AKIRIN2: variants seen among roughly 807,000 people sequenced by gnomAD.
AKIRIN2 encodes the protein akirin 2.
Under a neutral mutation model 29.3 loss-of-function variants are expected in AKIRIN2, and 6 were observed. The observed-to-expected ratio is 0.20, with a 90% CI of 0.11 to 0.40. The LOEUF (loss-of-function observed/expected upper bound fraction) is 0.40, where lower values mean the gene tolerates loss of function less well. Ranked by LOEUF, AKIRIN2 falls within the 10% of genes least tolerant of loss-of-function variation. The probability of loss-of-function intolerance (pLI) is 1.00; values close to 1 mark genes in which losing one functional copy is unlikely to be tolerated. For synonymous variants in AKIRIN2, 128 were observed against 117.5 expected (o/e 1.09, Z -0.58); for missense variants, 210 against 276.1 (o/e 0.76, Z 1.70).
In AKIRIN2 at chr6:87,701,655, A is replaced by G. The variant is rs985933931; in HGVS notation, c.30T>C (p.Thr10=). The G allele has an allele frequency of 4.8e-6, 7 of 1,465,340 alleles. No individual in the cohort carries two copies. Among genetic ancestry groups the G allele is most frequent in the Non-Finnish European group, 6.3e-6 (7 of 1,112,222 alleles). 90.8% of individuals were successfully genotyped at this position (1,465,340 alleles called of 1,614,324 possible). ...GGCTCAACAGCGGGTCGAAATCCAG[A>G]GTCCTTTTCAGAGTGGCTCCGCACG... MACGATLKR[T]LDFDPLLSPA... is the part of the protein sequence containing the mutation. The change falls in exon 1 of 5, where the codon ACT becomes ACC. Residue 10 remains threonine, a synonymous_variant. Transcript: ENST00000257787.
In AKIRIN2 at chr6:87,701,632, C is replaced by T; in HGVS notation, c.53G>A (p.Ser18Asn). The T allele has an allele frequency of 1.4e-6, 2 of 1,464,080 alleles. No homozygotes were observed. Among genetic ancestry groups the T allele is most frequent in the South Asian group, 1.4e-5 (1 of 69,564 alleles). 90.7% of individuals were successfully genotyped at this position (1,464,080 alleles called of 1,614,324 possible). A position where few individuals can be genotyped will look rare whatever the true frequency, so the allele number is the denominator to read the frequency against. The change falls in exon 1 of 5, where the codon AGC becomes AAC. Residue 18 changes from serine (S) to asparagine (N), a missense_variant. Ser to Asn is a conservative substitution (Grantham distance 46). Transcript: ENST00000257787. ...TCGCCTGCGCTTCGGGGACGCCGGG[C>T]TCAACAGCGGGTCGAAATCCAGAGT... is the stretch of plus-strand genomic sequence containing the variant. ...KRTLDFDPLL[S>N]PASPKRRRCA...
At chr6:87,685,788 T>G (rs1014873739) in intron 1 of AKIRIN2, among the ~76,000 whole-genome samples, 5 of 152,218 alleles carry the variant, frequency 3.3e-5, no homozygotes, top group African/African-American at 9.6e-5. Context: ...GAAGTCATTA[T>G]TAGCAAGTTC....
chr6:87,683,054 TAGG>T lies in AKIRIN2; in HGVS notation c.236-1294_236-1292del, dbSNP rs1161104924. 2.8e-4 allele frequency among the ~76,000 whole-genome samples: 43 copies of T among 152,318 alleles called. 1 individual carries two copies. The highest frequency in any genetic ancestry group is 2.0e-3 in the Admixed American group (30 of 15,288). On this transcript the variant is annotated intron_variant, in intron 1 of 4. Coordinates refer to ENST00000257787, the MANE Select transcript of AKIRIN2 (RefSeq NM_018064.4). Reference sequence around the variant, plus strand: ...CACTTATTTTCTCACTTTATTTCCCTAGGAGAAGAACTTTTAGAATTTTTGAGA... The same window carrying T: ...CACTTATTTTCTCACTTTATTTCCCTAGAAGAACTTTTAGAATTTTTGAGA...
intron 1 of AKIRIN2, among the ~76,000 whole-genome samples, chr6:87,699,477 G>A (rs187137123): frequency 6.6e-6 from 1 of 152,020 alleles, no homozygotes; most frequent in Admixed American, 6.6e-5. Context: ...AGCAGACTCA[G>A]AATCAATAAG....
chr6:87,701,443 G>A lies in AKIRIN2; in HGVS notation c.235+7C>T, dbSNP rs867963005. 4 of 1,531,372 alleles carry A rather than the reference G, an allele frequency of 2.6e-6. No homozygotes were observed. In the African/African-American group the frequency reaches 4.3e-5, roughly 16 times the overall value. The allele number at this position is 1,531,372 out of a possible 1,614,324, so 94.9% of individuals were successfully genotyped here. ...ACTACCCCGGCGGCCGCGGGGCCGGGTCCCACCTGTGGTGAGGCGGGAGGA... is the reference window on the plus strand; with the variant it reads ...ACTACCCCGGCGGCCGCGGGGCCGGATCCCACCTGTGGTGAGGCGGGAGGA... On this transcript the variant is annotated splice_region_variant and intron_variant, in intron 1 of 4. Transcript: ENST00000257787.
At chr6:87,675,715 C>T in intron 4 of AKIRIN2, 108 bp from the exon 5 acceptor site, 1 of 1,495,616 alleles carries the variant, frequency 6.7e-7, no homozygotes. Flanking sequence ...AACCAAAAGA[C>T]TTGCAAAGTT....
At chr6:87,679,138 A>G (rs749660921) in intron 2 of AKIRIN2, among the ~76,000 whole-genome samples, 3 of 68,094 alleles carry the variant, frequency 4.4e-5, no homozygotes, top group Non-Finnish European at 8.7e-5. Context: ...TTCATCTCAG[A>G]AAAAAAAAAA....
chr6:87,675,967 A>T, intron 3 of AKIRIN2, 36 bp from the exon 4 acceptor site: 2 of 1,567,958 alleles, frequency 1.3e-6, no homozygotes, highest in South Asian at 2.3e-5. Flanking sequence ...ACATTTGTAA[A>T]ATGCCTTATT....
chr6:87,699,514 A>C (rs1771424150), intron 1 of AKIRIN2, among the ~76,000 whole-genome samples: 1 of 152,168 alleles, frequency 6.6e-6, no homozygotes, highest in African/African-American at 2.4e-5. Context: ...TCAGGATATA[A>C]TCAAACTTCC....
intron 1 of AKIRIN2, among the ~76,000 whole-genome samples, chr6:87,682,927 T>A (rs931306682): frequency 3.9e-5 from 6 of 152,168 alleles, no homozygotes; most frequent in Non-Finnish European, 7.3e-5. Context: ...CGTGTCTTTA[T>A]GACACACAAA....
Position 87,701,766 on chromosome 6 carries a change from G to C in AKIRIN2, c.-82C>G. On this transcript the variant is annotated 5_prime_UTR_variant, in exon 1 of 5. Transcript: ENST00000257787. Reference sequence around the variant, plus strand: ...AAGAGGGTGAGGGAAGGGGTGAAGAGCGGGAACTCGAGGAGAGCCTACCCG... The same window carrying C: ...AAGAGGGTGAGGGAAGGGGTGAAGACCGGGAACTCGAGGAGAGCCTACCCG... The C allele has an allele frequency of 9.4e-7, 1 of 1,060,068 alleles. No homozygotes were observed. The highest frequency in any genetic ancestry group is 2.1e-5 in the South Asian group (1 of 47,736). The allele number at this position is 1,060,068 out of a possible 1,614,324, so 65.7% of individuals were successfully genotyped here. A position where few individuals can be genotyped will look rare whatever the true frequency, so the allele number is the denominator to read the frequency against.
chr6:87,696,735 C>T (rs908883026), intron 1 of AKIRIN2, among the ~76,000 whole-genome samples: 24 of 147,084 alleles, frequency 1.6e-4, no homozygotes, highest in Non-Finnish European at 1.6e-4. Flanking sequence ...AGGCCAGGCG[C>T]GGTGGCTCAC....
chr6:87,691,211 G>C, intron 1 of AKIRIN2, among the ~76,000 whole-genome samples: 1 of 152,026 alleles, frequency 6.6e-6, no homozygotes, highest in East Asian at 1.9e-4. Context: ...TGGAGGCCAA[G>C]GTGGGCAGAT....
Position 87,701,957 on chromosome 6 carries a change from G to A in AKIRIN2, c.-273C>T. The A allele has an allele frequency of 5.0e-6, 2 of 400,148 alleles. No homozygotes were observed. Among genetic ancestry groups the A allele is most frequent in the East Asian group, 3.6e-5 (1 of 27,980 alleles). 24.8% of individuals were successfully genotyped at this position (400,148 alleles called of 1,614,324 possible). On this transcript the variant is annotated 5_prime_UTR_variant, in exon 1 of 5. Coordinates refer to ENST00000257787, the MANE Select transcript of AKIRIN2 (RefSeq NM_018064.4). ...CCAGTCGCGTCAGGGGGGTTCTTCC[G>A]CCTCCTCAGGCGCGGCTCCCCCGAG...
chr6:87,679,764 C>T (rs1771088595), intron 2 of AKIRIN2, among the ~76,000 whole-genome samples: 2 of 152,114 alleles, frequency 1.3e-5, no homozygotes, highest in South Asian at 2.1e-4. Context: ...CATTTTTATA[C>T]CTATTAGGAT....
Position 87,702,220 on chromosome 6 carries a change from C to G in AKIRIN2, c.-536G>C. The G allele has an allele frequency of 2.5e-6, 1 of 397,428 alleles. No individual in the cohort carries two copies. The highest frequency in any genetic ancestry group is 4.4e-6 in the Non-Finnish European group (1 of 225,674). 24.6% of individuals were successfully genotyped at this position (397,428 alleles called of 1,614,324 possible). On this transcript the variant is annotated 5_prime_UTR_variant, in exon 1 of 5. Coordinates refer to ENST00000257787, the MANE Select transcript of AKIRIN2 (RefSeq NM_018064.4). ...CGAACACGTCCAACCGCTTCCCCTC[C>G]CTCGTAGAACTCTCCCACCCGCCGC...
chr6:87,688,640 T>A (rs561746139), intron 1 of AKIRIN2, among the ~76,000 whole-genome samples: 3 of 152,014 alleles, frequency 2.0e-5, no homozygotes, highest in East Asian at 3.9e-4. Flanking sequence ...ATCCTAGTTA[T>A]CCGGGAGGCT....
At chr6:87,689,473 G>A (rs1054104522) in intron 1 of AKIRIN2, among the ~76,000 whole-genome samples, 12 of 152,030 alleles carry the variant, frequency 7.9e-5, no homozygotes, top group Non-Finnish European at 1.6e-4. Flanking sequence ...GTGAGACTCG[G>A]TCTCAAACAA....
rs1161945811 is a variant in AKIRIN2, at chr6:87,675,398, A to C, written c.*199T>G. 1 of 638,916 alleles carries C rather than the reference A, an allele frequency of 1.6e-6. No homozygotes were observed. Among genetic ancestry groups the C allele is most frequent in the Non-Finnish European group, 2.8e-6 (1 of 360,504 alleles). 39.6% of individuals were successfully genotyped at this position (638,916 alleles called of 1,614,324 possible). On this transcript the variant is annotated 3_prime_UTR_variant, in exon 5 of 5. Coordinates refer to ENST00000257787, the MANE Select transcript of AKIRIN2 (RefSeq NM_018064.4). ...CCACTGGTATTAATACAGGTAGCAA[A>C]GGTCCACATCCAGGTGGTACTGACA...
Sources: gnomAD v4.1 joint callset for allele counts (sites outside exome capture counted in the v4.1 genomes callset) on GRCh38, gnomAD v4.1.1 for gene constraint, MANE v1.5 for transcripts, NCBI Gene and HGNC (gene_info 2026-07-23, HGNC 2026-07-21) for gene names.